MANBA: variants seen among roughly 807,000 people sequenced by gnomAD.
The protein encoded by MANBA is mannosidase beta, also known as beta-mannosidase.
In MANBA, 83 loss-of-function variants were observed where a neutral mutation model predicts 111.1. The observed-to-expected ratio is 0.75, with a 90% CI of 0.63 to 0.90. The LOEUF (loss-of-function observed/expected upper bound fraction) is 0.90, where lower values mean the gene tolerates loss of function less well. Among genes scored for constraint, MANBA ranks in the 40% least tolerant of loss-of-function variants. The probability of loss-of-function intolerance (pLI) is 0.00; values close to 1 mark genes in which losing one functional copy is unlikely to be tolerated. For missense variants in MANBA, 1,036 were observed against 1,069.0 expected (o/e 0.97, Z 0.43); for synonymous variants, 370 against 378.7 (o/e 0.98, Z 0.27).
intron 1 of MANBA, among the ~76,000 whole-genome samples, chr4:102,741,492 GT>G (rs1723402810): frequency 6.6e-6 from 1 of 151,706 alleles, no homozygotes; most frequent in Non-Finnish European, 1.5e-5. Context: ...GGATACACAT[GT>G]TTATAGCACC....
At chr4:102,641,365 G>A (rs539420877) in intron 13 of MANBA, among the ~76,000 whole-genome samples, 6 of 152,172 alleles carry the variant, frequency 3.9e-5, no homozygotes, top group Non-Finnish European at 8.8e-5. Context: ...GCATCCTAAA[G>A]GCAAATGGAG....
intron 1 of MANBA, chr4:102,751,650 GA>G (rs1467578105): frequency 1.8e-5 from 10 of 541,974 alleles, no homozygotes; most frequent in Non-Finnish European, 3.0e-5. Flanking sequence ...TGTGGAAATA[GA>G]ATATGTGAAG....
intron 7 of MANBA, among the ~76,000 whole-genome samples, chr4:102,680,381 GAGAAATGT>G (rs1371989632): frequency 6.6e-6 from 1 of 152,178 alleles, no homozygotes; most frequent in East Asian, 1.9e-4. Context: ...ACACAGCAGA[GAGAAATGT>G]CTGAGCTGAT....
intron 1 of MANBA, chr4:102,734,357 C>T: frequency 6.2e-7 from 1 of 1,607,956 alleles, no homozygotes; most frequent in Non-Finnish European, 8.5e-7. Flanking sequence ...CGACTTGGGC[C>T]ATGGCCTCTG....
At chr4:102,759,809 A>G (rs1443968460) in intron 1 of MANBA, among the ~76,000 whole-genome samples, 2 of 152,128 alleles carry the variant, frequency 1.3e-5, no homozygotes, top group Non-Finnish European at 2.9e-5. Flanking sequence ...CACCTTCCTA[A>G]TTTCTCTGTG....
intron 1 of MANBA, among the ~76,000 whole-genome samples, chr4:102,758,691 C>T (rs905184719): frequency 5.9e-5 from 9 of 151,926 alleles, no homozygotes; most frequent in East Asian, 1.9e-4. Context: ...CACAGGTGTA[C>T]GCCACCACGC....
At chr4:102,657,013 G>T (rs1320080631) in intron 12 of MANBA, among the ~76,000 whole-genome samples, 1 of 152,102 alleles carries the variant, frequency 6.6e-6, no homozygotes, top group African/African-American at 2.4e-5. Context: ...GGTGCTGGCT[G>T]CACATCTCTG....
At chr4:102,729,568 T>A in intron 1 of MANBA, 1 of 872,202 alleles carries the variant, frequency 1.1e-6, no homozygotes, top group South Asian at 1.3e-5. Context: ...CATGTAACCT[T>A]CATCCACATC....
chr4:102,709,978 C>T (rs1347423502), intron 5 of MANBA, among the ~76,000 whole-genome samples: 1 of 152,130 alleles, frequency 6.6e-6, no homozygotes, highest in Admixed American at 6.5e-5. Context: ...ATGATAAAAA[C>T]TATCAACAAA....
At chr4:102,662,760 C>A (rs1364906531) in intron 11 of MANBA, 1 of 155,318 alleles carries the variant, frequency 6.4e-6, no homozygotes, top group Non-Finnish European at 1.4e-5. Context: ...AAAAGGAATG[C>A]CCCACAAACG....
At chr4:102,668,790 T>C (rs1731344251) in intron 10 of MANBA, 173 bp downstream of exon 10, 1 of 616,328 alleles carries the variant, frequency 1.6e-6, no homozygotes, top group South Asian at 1.8e-5. Flanking sequence ...AGCCAATAGA[T>C]GATGGTAAAG....
intron 5 of MANBA, among the ~76,000 whole-genome samples, chr4:102,712,501 T>C (rs1442611127): frequency 6.6e-6 from 1 of 151,110 alleles, no homozygotes; most frequent in Non-Finnish European, 1.5e-5. Context: ...AATAAATAAA[T>C]AACTTTTTGC....
At chr4:102,650,131 T>C (rs1730264785) in intron 13 of MANBA, among the ~76,000 whole-genome samples, 1 of 152,190 alleles carries the variant, frequency 6.6e-6, no homozygotes, top group Admixed American at 6.5e-5. Flanking sequence ...ATTGATAAAA[T>C]GATTGTTCTC....
intron 14 of MANBA, among the ~76,000 whole-genome samples, chr4:102,639,455 G>T (rs1351331916): frequency 6.6e-6 from 1 of 152,118 alleles, no homozygotes; most frequent in Non-Finnish European, 1.5e-5. Context: ...CTTTTGTATA[G>T]GAATCTATCC....
At chr4:102,697,258 A>C (rs1732759423) in intron 5 of MANBA, among the ~76,000 whole-genome samples, 1 of 152,222 alleles carries the variant, frequency 6.6e-6, no homozygotes, top group African/African-American at 2.4e-5. Flanking sequence ...TATGGAAAAA[A>C]TAATTTAAAG....
chr4:102,673,902 GA>G lies in MANBA; in HGVS notation c.1112+16del. ...GCTAATTAAAAGAAGAACAAGAAAA[GA>G]AAGACAATAACTTACAACTCAGAGG... is the stretch of plus-strand genomic sequence containing the variant. On this transcript the variant is annotated intron_variant, in intron 8 of 16. Coordinates refer to ENST00000647097, the MANE Select transcript of MANBA (RefSeq NM_005908.4). 6.2e-7 allele frequency: 1 copy of G among 1,600,402 alleles called. No individual in the cohort carries two copies. The highest frequency in any genetic ancestry group is 8.6e-7 in the Non-Finnish European group (1 of 1,167,666).
intron 5 of MANBA, among the ~76,000 whole-genome samples, chr4:102,705,955 G>A (rs1733278619): frequency 1.3e-5 from 2 of 152,186 alleles, no homozygotes; most frequent in African/African-American, 4.8e-5. Context: ...GGACTAGTGT[G>A]CCCAGCCTGT....
chr4:102,675,560 C>T (rs1270658779), intron 7 of MANBA, among the ~76,000 whole-genome samples: 1 of 152,148 alleles, frequency 6.6e-6, no homozygotes, highest in Admixed American at 6.5e-5. Flanking sequence ...CCCTTGCAAC[C>T]TACACAGGAG....
intron 7 of MANBA, among the ~76,000 whole-genome samples, chr4:102,678,401 A>G (rs1731815301): frequency 6.6e-6 from 1 of 151,260 alleles, no homozygotes; most frequent in South Asian, 2.1e-4. Context: ...TTCTTCTACA[A>G]CAGGTATTTT....
Sources: gnomAD v4.1 joint callset for allele counts (sites outside exome capture counted in the v4.1 genomes callset) on GRCh38, gnomAD v4.1.1 for gene constraint, MANE v1.5 for transcripts, NCBI Gene and HGNC (gene_info 2026-07-23, HGNC 2026-07-21) for gene names.